The following RARB variants were observed in gnomAD, a reference collection of about 807,000 sequenced individuals.
The protein encoded by RARB is HBV-activated protein.
In RARB, 17 loss-of-function variants were observed where a neutral mutation model predicts 51.9. That is an observed-to-expected ratio of 0.33 (90% confidence interval 0.22 to 0.49). RARB has a LOEUF of 0.49. Ranked by LOEUF, RARB falls within the 20% of genes least tolerant of loss-of-function variation. RARB has a pLI of 0.99. For missense variants in RARB, 369 were observed against 550.8 expected, an observed-to-expected ratio of 0.67 and a Z score of 3.30; for synonymous variants, 215 against 195.4, an observed-to-expected ratio of 1.10 and a Z score of -0.84.
At chr3:25,200,588 G>A (rs933844071) in intron 5 of RARB, among the ~76,000 whole-genome samples, 6 of 152,152 alleles carry the variant, frequency 3.9e-5, no homozygotes, top group Non-Finnish European at 7.3e-5. Context: ...TAACATGTAA[G>A]TCTTTAATCC....
chr3:24,981,402 C>G (rs1437738025), intron 2 of RARB, among the ~76,000 whole-genome samples: 1 of 152,242 alleles, frequency 6.6e-6, no homozygotes, highest in East Asian at 1.9e-4. Context: ...GGCAGTAGGC[C>G]TTGTTGAGCT....
chr3:25,074,504 C>G (rs1698831785), intron 3 of RARB, among the ~76,000 whole-genome samples: 1 of 152,130 alleles, frequency 6.6e-6, no homozygotes, highest in Non-Finnish European at 1.5e-5. Flanking sequence ...CCATAAGGCC[C>G]AAATCACATG....
chr3:25,105,054 A>T (rs28392950), intron 3 of RARB, among the ~76,000 whole-genome samples: 7,107 of 152,286 alleles, frequency 0.047, 418 homozygotes, highest in African/African-American at 0.14. Flanking sequence ...AGTTTAATAA[A>T]AAGCATAAAA....
At chr3:25,350,080 T>C (rs755819395) in intron 5 of RARB, among the ~76,000 whole-genome samples, 6 of 152,134 alleles carry the variant, frequency 3.9e-5, no homozygotes, top group East Asian at 1.9e-4. Context: ...GTACCCAGCA[T>C]GTAAAAGCAG....
At chr3:25,243,370 C>T (rs983569638) in intron 5 of RARB, among the ~76,000 whole-genome samples, 2 of 152,190 alleles carry the variant, frequency 1.3e-5, no homozygotes, top group Non-Finnish European at 2.9e-5. Context: ...TGAGAGAGGA[C>T]ATCCTTGTCT....
At chr3:25,079,503 T>C (rs1698947949) in intron 3 of RARB, among the ~76,000 whole-genome samples, 2 of 152,178 alleles carry the variant, frequency 1.3e-5, no homozygotes, top group Admixed American at 6.5e-5. Flanking sequence ...TAACAGCTGC[T>C]TATCATTTAC....
intron 1 of RARB, among the ~76,000 whole-genome samples, chr3:24,839,497 C>T (rs1041908600): frequency 1.0e-4 from 15 of 149,152 alleles, no homozygotes; most frequent in African/African-American, 3.7e-4. Flanking sequence ...CCCAGGAGTT[C>T]GAGACCAGCC....
intron 2 of RARB, among the ~76,000 whole-genome samples, chr3:25,475,159 A>G (rs1454944714): frequency 6.6e-6 from 1 of 152,174 alleles, no homozygotes; most frequent in Non-Finnish European, 1.5e-5. Context: ...TTGGTGGTTT[A>G]AGATACCTAA....
intron 2 of RARB, among the ~76,000 whole-genome samples, chr3:25,007,050 A>G (rs1697287588): frequency 6.6e-6 from 1 of 152,208 alleles, no homozygotes; most frequent in Non-Finnish European, 1.5e-5. Flanking sequence ...GATTGCAAAG[A>G]AACTTGAAAA....
chr3:25,554,967 A>C (rs529191402), intron 3 of RARB, among the ~76,000 whole-genome samples: 1 of 152,320 alleles, frequency 6.6e-6, no homozygotes, highest in South Asian at 2.1e-4. Context: ...TTCATAAATA[A>C]GTTAATCTAC....
chr3:25,257,019 A>G (rs1702883320), intron 5 of RARB, among the ~76,000 whole-genome samples: 1 of 152,152 alleles, frequency 6.6e-6, no homozygotes, highest in South Asian at 2.1e-4. Context: ...ACAGCCTCAG[A>G]AAAGGGTTAG....
chr3:25,091,223 G>C (rs754097983), intron 3 of RARB, among the ~76,000 whole-genome samples: 1 of 152,122 alleles, frequency 6.6e-6, no homozygotes, highest in Non-Finnish European at 1.5e-5. Context: ...TTTTTTGCAA[G>C]ATGTACAGAG....
intron 3 of RARB, among the ~76,000 whole-genome samples, chr3:25,100,800 A>G (rs1699385471): frequency 6.6e-6 from 1 of 152,318 alleles, no homozygotes; most frequent in Admixed American, 6.5e-5. Flanking sequence ...ACACAGGGTT[A>G]TATACCAAGA....
intron 5 of RARB, among the ~76,000 whole-genome samples, chr3:25,586,071 G>A (rs1050536572): frequency 1.3e-5 from 2 of 152,122 alleles, no homozygotes; most frequent in African/African-American, 4.8e-5. Context: ...CAACTCACAA[G>A]GGCGCCTCTC....
chr3:25,156,682 TG>T (rs757098356), intron 4 of RARB, among the ~76,000 whole-genome samples: 7 of 152,092 alleles, frequency 4.6e-5, no homozygotes. Context: ...ATTAAAAAAA[TG>T]CTTCAGCCAG....
At chr3:25,012,780 A>G (rs1697426301) in intron 2 of RARB, among the ~76,000 whole-genome samples, 1 of 152,128 alleles carries the variant, frequency 6.6e-6, no homozygotes, top group African/African-American at 2.4e-5. Flanking sequence ...TTGTGCACAT[A>G]AAATGAAATA....
chr3:25,350,662 G>A (rs996143919), intron 5 of RARB, among the ~76,000 whole-genome samples: 3 of 152,168 alleles, frequency 2.0e-5, no homozygotes, highest in African/African-American at 2.4e-5. Flanking sequence ...TTTGCTCTAC[G>A]CTGGGTGCCC....
At chr3:24,954,679 G>A (rs1575089456) in intron 2 of RARB, among the ~76,000 whole-genome samples, 1 of 152,090 alleles carries the variant, frequency 6.6e-6, no homozygotes, top group Non-Finnish European at 1.5e-5. Flanking sequence ...AGGGGGTGGA[G>A]TCATTATTGC....
intron 3 of RARB, among the ~76,000 whole-genome samples, chr3:25,559,793 A>T (rs902995677): frequency 6.6e-6 from 1 of 152,126 alleles, no homozygotes; most frequent in Non-Finnish European, 1.5e-5. Flanking sequence ...CAGATGGACA[A>T]ATGGATGGAT....
Sources: gnomAD v4.1 joint callset for allele counts (sites outside exome capture counted in the v4.1 genomes callset) on GRCh38, gnomAD v4.1.1 for gene constraint, MANE v1.5 for transcripts, NCBI Gene and HGNC (gene_info 2026-07-23, HGNC 2026-07-21) for gene names.